The following KHDRBS2 variants were observed in gnomAD, a reference collection of about 807,000 sequenced individuals.
KHDRBS2 encodes KH domain-containing, RNA-binding, signal transduction-associated protein 2.
In KHDRBS2, 26 loss-of-function variants were observed where a neutral mutation model predicts 44.3. That is an observed-to-expected ratio of 0.59 (90% confidence interval 0.43 to 0.81). KHDRBS2 has a LOEUF of 0.81. KHDRBS2 is among the 40% of genes least tolerant of loss of function. KHDRBS2 has a pLI of 0.00. For missense variants in KHDRBS2, 476 were observed against 433.1 expected (o/e 1.10, Z -0.88); for synonymous variants, 194 against 151.1 (o/e 1.28, Z -2.08).
intron 2 of KHDRBS2, among the ~76,000 whole-genome samples, chr6:62,136,420 C>T (rs568168633): frequency 2.6e-4 from 39 of 152,150 alleles, no homozygotes; most frequent in African/African-American, 5.5e-4. Flanking sequence ...TCAGGTGATA[C>T]GCTCCTTTAA....
At chr6:61,733,258 GA>G (rs1242667379) in intron 6 of KHDRBS2, among the ~76,000 whole-genome samples, 2 of 151,672 alleles carry the variant, frequency 1.3e-5, no homozygotes, top group Admixed American at 6.6e-5. Context: ...ATAAATAAAA[GA>G]AAAAAAGAGG....
At chr6:61,696,368 G>A (rs1385679610) in intron 8 of KHDRBS2, among the ~76,000 whole-genome samples, 1 of 151,886 alleles carries the variant, frequency 6.6e-6, no homozygotes, top group Admixed American at 6.6e-5. Context: ...CTATTCTCTT[G>A]CCTCAGCCTC....
intron 8 of KHDRBS2, among the ~76,000 whole-genome samples, chr6:61,687,057 C>T (rs1478414872): frequency 6.6e-6 from 1 of 151,692 alleles, no homozygotes; most frequent in Non-Finnish European, 1.5e-5. Context: ...CTCAATGGCT[C>T]AACCATTTCA....
chr6:61,956,013 T>C (rs1767173863), intron 4 of KHDRBS2, among the ~76,000 whole-genome samples: 1 of 151,978 alleles, frequency 6.6e-6, no homozygotes, highest in Non-Finnish European at 1.5e-5. Flanking sequence ...GCCAACATGG[T>C]GAAACCCCAT....
the KHDRBS2 span, among the ~76,000 whole-genome samples, chr6:61,570,705 G>A: frequency 3.3e-5 from 5 of 152,154 alleles, no homozygotes; most frequent in Non-Finnish European, 7.4e-5. Context: ...AAACCTATCA[G>A]ATAAACAGCA....
At chr6:61,951,836 AT>A (rs1040207353) in intron 4 of KHDRBS2, among the ~76,000 whole-genome samples, 11 of 151,442 alleles carry the variant, frequency 7.3e-5, no homozygotes, top group South Asian at 2.1e-4. Flanking sequence ...TCTTGTTGAG[AT>A]TTTTTTTTAG....
intron 3 of KHDRBS2, among the ~76,000 whole-genome samples, chr6:62,002,824 A>G (rs1778504151): frequency 1.3e-5 from 2 of 151,694 alleles, no homozygotes; most frequent in African/African-American, 4.8e-5. Flanking sequence ...TTTCTTAATT[A>G]TTTTCATTAT....
chr6:61,723,431 A>T (rs1370896078), intron 7 of KHDRBS2, among the ~76,000 whole-genome samples: 1 of 152,114 alleles, frequency 6.6e-6, no homozygotes, highest in Non-Finnish European at 1.5e-5. Flanking sequence ...GTAATAACAA[A>T]CTTTGCTAAG....
chr6:61,585,393 C>G, the KHDRBS2 span, among the ~76,000 whole-genome samples: 21 of 152,148 alleles, frequency 1.4e-4, no homozygotes, highest in Admixed American at 7.9e-4. Context: ...GTGGTACTGA[C>G]TACTGTCTCA....
At chr6:61,660,156 A>T in the KHDRBS2 span, among the ~76,000 whole-genome samples, 1 of 151,890 alleles carries the variant, frequency 6.6e-6, no homozygotes, top group Non-Finnish European at 1.5e-5. Flanking sequence ...GTCACTTTAT[A>T]CACAGTGTAG....
rs147085254 is a variant in KHDRBS2 at position 61,763,944 on chromosome 6, G to A, written c.811-31180C>T. Among the ~76,000 whole-genome samples, 11 of 152,110 alleles carry A rather than the reference G, an allele frequency of 7.2e-5. No individual in the cohort carries two copies. The South Asian group carries it at 8.3e-4, about 11-fold the overall frequency. On this transcript the variant is annotated intron_variant, in intron 6 of 8. Coordinates refer to ENST00000281156, the MANE Select transcript of KHDRBS2 (RefSeq NM_152688.4). ...ACCCATCACCTAGTTATTAAGCCCC[G>A]CATGCATTAGCTGTTTATCCTGATG... is the stretch of plus-strand genomic sequence containing the variant.
At chr6:62,282,960 T>G (rs1842006510) in intron 1 of KHDRBS2, among the ~76,000 whole-genome samples, 1 of 152,122 alleles carries the variant, frequency 6.6e-6, no homozygotes, top group Admixed American at 6.5e-5. Flanking sequence ...GGTATCTAGA[T>G]TCACAGTTTA....
intron 1 of KHDRBS2, among the ~76,000 whole-genome samples, chr6:62,204,209 CAT>C (rs540245671): frequency 5.9e-5 from 9 of 152,110 alleles, no homozygotes; most frequent in Non-Finnish European, 1.0e-4. Flanking sequence ...TGGATTATGA[CAT>C]GAGGCAATAT....
chr6:62,148,458 A>T (rs947346899), intron 2 of KHDRBS2, among the ~76,000 whole-genome samples: 1 of 152,020 alleles, frequency 6.6e-6, no homozygotes, highest in Non-Finnish European at 1.5e-5. Context: ...AGCAGTATAT[A>T]GCTAAACACA....
At chr6:61,606,482 A>C in the KHDRBS2 span, among the ~76,000 whole-genome samples, 1 of 152,194 alleles carries the variant, frequency 6.6e-6, no homozygotes. Context: ...AAAAGGCATA[A>C]AAAATTTTTA....
chr6:61,551,209 G>C, the KHDRBS2 span, among the ~76,000 whole-genome samples: 1 of 151,942 alleles, frequency 6.6e-6, no homozygotes, highest in Non-Finnish European at 1.5e-5. Context: ...TTTTCAATGG[G>C]GTTGATTGTT....
chr6:62,216,160 T>G (rs1217652235), intron 1 of KHDRBS2, among the ~76,000 whole-genome samples: 2 of 151,760 alleles, frequency 1.3e-5, no homozygotes, highest in Non-Finnish European at 2.9e-5. Context: ...AATTTTGATT[T>G]GACTCCTTTT....
intron 6 of KHDRBS2, among the ~76,000 whole-genome samples, chr6:61,852,585 C>G (rs1319056075): frequency 2.6e-5 from 4 of 151,166 alleles, no homozygotes; most frequent in African/African-American, 9.7e-5. Context: ...AAAAAGATTT[C>G]CCCCCCTTTA....
At chr6:61,663,867 A>C in the KHDRBS2 span, among the ~76,000 whole-genome samples, 2 of 151,678 alleles carry the variant, frequency 1.3e-5, no homozygotes, top group Non-Finnish European at 2.9e-5. Context: ...GGATTCTTAT[A>C]GTATCTCACA....
Sources: allele counts gnomAD v4.1 joint callset (sites outside exome capture counted in the v4.1 genomes callset), GRCh38; gene constraint gnomAD v4.1.1; transcripts MANE v1.5; gene names NCBI Gene and HGNC (gene_info 2026-07-23, HGNC 2026-07-21).